Variants in FAAH2 observed in about 807,000 individuals in gnomAD.
FAAH2 encodes fatty-acid amide hydrolase 2.
A neutral mutation model predicts 36.9 loss-of-function variants in FAAH2; 60 were observed. The observed-to-expected ratio is 1.63, with a 90% CI of 1.32 to 2.02. FAAH2 has a LOEUF of 2.02. Among genes scored for constraint, FAAH2 ranks in the 30% most tolerant of loss-of-function variants. The probability of loss-of-function intolerance (pLI) is 0.00; values close to 1 mark genes in which losing one functional copy is unlikely to be tolerated. For synonymous variants in FAAH2, 214 were observed against 143.8 expected, an observed-to-expected ratio of 1.49 and a Z score of -3.49; for missense variants, 689 against 397.5, an observed-to-expected ratio of 1.73 and a Z score of -6.23.
chrX:57,314,062 A>G (rs762415969), intron 3 of FAAH2, among the ~76,000 whole-genome samples: 1 of 112,030 alleles, frequency 8.9e-6, no homozygotes, highest in South Asian at 3.7e-4. Flanking sequence ...TGCAAACAGG[A>G]AACAAAAAAG....
chrX:57,236,701 G>A, the FAAH2 span, among the ~76,000 whole-genome samples: 2 of 110,526 alleles, frequency 1.8e-5, no homozygotes, highest in Non-Finnish European at 3.8e-5. Context: ...AGATTATTTG[G>A]GGGGGGTGTT....
chrX:57,354,418 A>G (rs748137254), intron 5 of FAAH2, among the ~76,000 whole-genome samples: 3 of 110,717 alleles, frequency 2.7e-5, no homozygotes, highest in East Asian at 5.7e-4. Flanking sequence ...TAGATAATGG[A>G]CACTCAGAAG....
the FAAH2 span, among the ~76,000 whole-genome samples, chrX:57,149,065 T>G: frequency 0.29 from 31,807 of 110,768 alleles, 3,565 homozygotes; most frequent in Middle Eastern, 0.57. Flanking sequence ...TTACATTTAT[T>G]AATTTGCGTA....
At chrX:57,330,502 G>A (rs190782558) in intron 3 of FAAH2, among the ~76,000 whole-genome samples, 5 of 111,284 alleles carry the variant, frequency 4.5e-5, no homozygotes, top group Non-Finnish European at 7.6e-5. Context: ...ATTTTGCCCC[G>A]GTCCTGAGGT....
chrX:57,283,840 T>C (rs1426812374), upstream of FAAH2, among the ~76,000 whole-genome samples: 1 of 111,977 alleles, frequency 8.9e-6, no homozygotes, highest in Non-Finnish European at 1.9e-5. Flanking sequence ...CTCTGGGATT[T>C]CCTCCTCAGA....
the FAAH2 span, among the ~76,000 whole-genome samples, chrX:57,278,647 A>T: frequency 9.3e-6 from 1 of 107,551 alleles, no homozygotes; most frequent in African/African-American, 3.5e-5. Flanking sequence ...ACAAAAAAAA[A>T]CCTATCATCA....
chrX:57,488,728 T>A, intron 10 of FAAH2, 29 bp from the exon 11 acceptor site: 1 of 1,200,654 alleles, frequency 8.3e-7, no homozygotes, highest in Non-Finnish European at 1.1e-6. Flanking sequence ...AGGTCTTGAT[T>A]TCTCACTTAT....
chrX:57,394,665 ACTTTT>A, intron 7 of FAAH2: 4 of 937,190 alleles, frequency 4.3e-6, no homozygotes, highest in Non-Finnish European at 6.2e-6. Flanking sequence ...ATCACCCACA[ACTTTT>A]CTCCCATTTG....
intron 5 of FAAH2, among the ~76,000 whole-genome samples, chrX:57,369,925 T>C (rs986042984): frequency 8.9e-6 from 1 of 111,845 alleles, no homozygotes; most frequent in African/African-American, 3.2e-5. Flanking sequence ...AACATGCAAA[T>C]GGAGATACAA....
chrX:57,184,990 A>G, the FAAH2 span, among the ~76,000 whole-genome samples: 1 of 111,439 alleles, frequency 9.0e-6, no homozygotes, highest in Non-Finnish European at 1.9e-5. Context: ...TATGAGCTGC[A>G]TGAGATGTTT....
chrX:57,482,570 C>A (rs886840063), intron 10 of FAAH2, among the ~76,000 whole-genome samples: 19 of 110,124 alleles, frequency 1.7e-4, no homozygotes, highest in African/African-American at 6.3e-4. Context: ...TGGGTTGGAC[C>A]CACTGCCTAA....
intron 7 of FAAH2, chrX:57,394,463 G>C (rs1175906684): frequency 1.7e-6 from 2 of 1,201,489 alleles, no homozygotes; most frequent in Non-Finnish European, 2.3e-6. Context: ...AATGGGCTTC[G>C]GTTTACAAGA....
the FAAH2 span, among the ~76,000 whole-genome samples, chrX:57,267,453 C>T: frequency 2.7e-5 from 3 of 112,644 alleles, no homozygotes; most frequent in South Asian, 3.6e-4. Flanking sequence ...CCCAGGCCTG[C>T]ACTGGCCAGC....
the FAAH2 span, among the ~76,000 whole-genome samples, chrX:57,233,457 T>G: frequency 2.7e-5 from 3 of 111,223 alleles, no homozygotes; most frequent in African/African-American, 9.8e-5. Flanking sequence ...GGTGACAAAT[T>G]GCAACATTGT....
the FAAH2 span, among the ~76,000 whole-genome samples, chrX:57,140,417 C>CA: frequency 0.26 from 17,138 of 64,696 alleles, 2,257 homozygotes; most frequent in Middle Eastern, 0.51. Flanking sequence ...CCATCTCTAC[C>CA]AAAAAAAAAA....
intron 3 of FAAH2, among the ~76,000 whole-genome samples, chrX:57,320,235 C>A (rs746448273): frequency 8.9e-6 from 1 of 111,733 alleles, no homozygotes; most frequent in African/African-American, 3.3e-5. Flanking sequence ...AACAGGCAAC[C>A]TATAGAATGG....
intron 10 of FAAH2, among the ~76,000 whole-genome samples, chrX:57,469,833 A>G (rs868374434): frequency 2.1e-4 from 24 of 111,669 alleles, no homozygotes; most frequent in South Asian, 3.8e-4. Flanking sequence ...TTCCAAAATT[A>G]ACCACATAGT....
intron 5 of FAAH2, among the ~76,000 whole-genome samples, chrX:57,367,969 G>A (rs772073194): frequency 1.8e-5 from 2 of 111,781 alleles, no homozygotes; most frequent in South Asian, 3.7e-4. Flanking sequence ...GCTATATTGT[G>A]TCTTGCTCAT....
At chrX:57,438,907 C>T (rs1448951527) in intron 8 of FAAH2, among the ~76,000 whole-genome samples, 4 of 109,749 alleles carry the variant, frequency 3.6e-5, no homozygotes, top group Non-Finnish European at 7.6e-5. Context: ...CAGTTTCATC[C>T]ATGTCCCTAC....
Sources: allele counts gnomAD v4.1 joint callset (sites outside exome capture counted in the v4.1 genomes callset), GRCh38; gene constraint gnomAD v4.1.1; transcripts MANE v1.5; gene names NCBI Gene and HGNC (gene_info 2026-07-23, HGNC 2026-07-21).